Variants in USH2A observed in about 807,000 individuals in gnomAD.
USH2A encodes usherin.
USH2A carries 443 observed loss-of-function variants against 538.9 expected under a neutral mutation model. That is an observed-to-expected ratio of 0.82 (90% CI 0.76 to 0.89). USH2A has a LOEUF of 0.89. USH2A is among the 40% of genes least tolerant of loss of function. The pLI, the probability that USH2A is intolerant of heterozygous loss-of-function variation, is 0.00. For synonymous variants in USH2A, 2,413 were observed against 2,273.5 expected (o/e 1.06, Z -1.75); for missense variants, 6,633 against 6,324.8 (o/e 1.05, Z -1.65).
intron 11 of USH2A, among the ~76,000 whole-genome samples, chr1:216,272,271 G>A (rs529215875): frequency 1.3e-5 from 2 of 152,222 alleles, no homozygotes; most frequent in East Asian, 3.9e-4. Flanking sequence ...TAGCAGAGCT[G>A]TTCATAAAAC....
At chr1:216,195,945 G>A (rs1302711080) in intron 19 of USH2A, 1 of 169,796 alleles carries the variant, frequency 5.9e-6, no homozygotes, top group Non-Finnish European at 1.4e-5. Context: ...AGATGAATTA[G>A]TTCACGTACA....
intron 35 of USH2A, among the ~76,000 whole-genome samples, chr1:215,974,226 C>A (rs927504584): frequency 2.6e-5 from 4 of 152,062 alleles, no homozygotes; most frequent in African/African-American, 9.7e-5. Context: ...CTTCATTGAC[C>A]TCAGATTCCT....
chr1:216,286,607 C>G (rs1301460332), intron 11 of USH2A, among the ~76,000 whole-genome samples: 1 of 152,006 alleles, frequency 6.6e-6, no homozygotes, highest in African/African-American at 2.4e-5. Flanking sequence ...ATCTGCAATC[C>G]TAGCTGTTCA....
intron 55 of USH2A, among the ~76,000 whole-genome samples, chr1:215,774,592 G>A (rs185471063): frequency 3.9e-5 from 6 of 152,120 alleles, no homozygotes; most frequent in Admixed American, 3.9e-4. Flanking sequence ...ATGCTAGACT[G>A]AGGATTCTTC....
At chr1:216,405,188 T>A (rs1402348500) in intron 3 of USH2A, among the ~76,000 whole-genome samples, 2 of 151,704 alleles carry the variant, frequency 1.3e-5, no homozygotes, top group African/African-American at 2.4e-5. Flanking sequence ...CAATATAAAA[T>A]AAAAAAAATC....
chr1:216,179,383 A>T (rs1400661048), intron 20 of USH2A, among the ~76,000 whole-genome samples: 1 of 152,136 alleles, frequency 6.6e-6, no homozygotes, highest in South Asian at 2.1e-4. Context: ...TTACCATTTA[A>T]ACTTTAAGTA....
At chr1:216,327,837 A>G (rs897410560) in intron 4 of USH2A, among the ~76,000 whole-genome samples, 183 bp from the exon 5 acceptor site, 1 of 152,170 alleles carries the variant, frequency 6.6e-6, no homozygotes, top group African/African-American at 2.4e-5. Context: ...AAAAATAATC[A>G]TAGTTATCTC....
intron 61 of USH2A, among the ~76,000 whole-genome samples, chr1:215,692,854 A>G (rs1658662609): frequency 1.3e-5 from 2 of 151,946 alleles, no homozygotes. Context: ...CCAGTTGTTT[A>G]GTTCTCCTCC....
At chr1:215,726,630 G>GT (rs1659826184) in intron 61 of USH2A, among the ~76,000 whole-genome samples, 2 of 151,970 alleles carry the variant, frequency 1.3e-5, no homozygotes, top group South Asian at 2.1e-4. Flanking sequence ...TAGTTTTTTG[G>GT]TTTTTTTATA....
rs143954831 is a variant in USH2A at position 216,141,737 on chromosome 1, C to T, written c.4627+33515G>A. Among the ~76,000 whole-genome samples the T allele has an allele frequency of 2.0e-5, 3 of 152,184 alleles. No homozygotes were observed. The East Asian group carries it at 5.8e-4, about 29-fold the overall frequency. ...GTTTCTATAAAATACTTTAAACATA[C>T]ATCATTACATAAAGGAGTATAACAA... On this transcript the variant is annotated intron_variant, in intron 21 of 71. Coordinates refer to ENST00000307340, the MANE Select transcript of USH2A (RefSeq NM_206933.4).
chr1:215,996,848 G>A (rs1339787559), intron 34 of USH2A, among the ~76,000 whole-genome samples: 1 of 151,928 alleles, frequency 6.6e-6, no homozygotes, highest in African/African-American at 2.4e-5. Context: ...ACTAAATGAC[G>A]TTACATGAAG....
rs1295745243 is a variant in USH2A, at chr1:215,758,617, T to C, written c.11367A>G (p.Ile3789Met). 3 of 1,613,306 alleles carry C rather than the reference T, an allele frequency of 1.9e-6. No individual in the cohort carries two copies. The highest frequency in any genetic ancestry group is 1.7e-6 in the Non-Finnish European group (2 of 1,179,774). Residue 3789 changes from isoleucine (I) to methionine (M), a missense_variant, in exon 58 of 72, where the codon ATA becomes ATG. By Grantham distance (10) the Ile-to-Met change is conservative. Coordinates refer to ENST00000307340, the MANE Select transcript of USH2A (RefSeq NM_206933.4). Reference sequence around the variant, plus strand: ...TACCTGGTGGTATCCAAGCTACAAATATAGAATAAGGCCCAATTACTGTGA... The same window carrying C: ...TACCTGGTGGTATCCAAGCTACAAACATAGAATAAGGCCCAATTACTGTGA... ...YNITVIGPYSIFVAWIPPGIL... is the reference protein window; with the variant it reads ...YNITVIGPYSMFVAWIPPGIL...
intron 32 of USH2A, among the ~76,000 whole-genome samples, chr1:216,029,287 C>T (rs1669036963): frequency 2.0e-5 from 3 of 151,954 alleles, no homozygotes; most frequent in Admixed American, 6.6e-5. Context: ...AACAAATAAA[C>T]ATTAGCAGAA....
At chr1:215,831,384 C>T (rs1211504666) in intron 47 of USH2A, among the ~76,000 whole-genome samples, 1 of 152,080 alleles carries the variant, frequency 6.6e-6, no homozygotes, top group Non-Finnish European at 1.5e-5. Flanking sequence ...ATTTACAAAA[C>T]ACTCTATCTG....
intron 47 of USH2A, among the ~76,000 whole-genome samples, chr1:215,835,164 C>CAAAAAAAAAAAAAAAAAAAAA (rs34758891): frequency 1.8e-5 from 1 of 56,120 alleles, no homozygotes; most frequent in African/African-American, 7.4e-5. Context: ...AGTGATGCAC[C>CAAAAAAAAAAAAAAAAAAAAA]AAAAAAAAAA....
intron 21 of USH2A, among the ~76,000 whole-genome samples, chr1:216,138,348 A>G (rs1053578646): frequency 8.5e-5 from 13 of 152,326 alleles, no homozygotes; most frequent in African/African-American, 3.1e-4. Flanking sequence ...TCAGTATATT[A>G]AAAAAGCTTG....
At chr1:216,117,175 T>A (rs2033028622) in intron 21 of USH2A, among the ~76,000 whole-genome samples, 1 of 152,072 alleles carries the variant, frequency 6.6e-6, no homozygotes, top group Non-Finnish European at 1.5e-5. Flanking sequence ...TTGTGGAGGC[T>A]CTCCACAGAC....
intron 11 of USH2A, among the ~76,000 whole-genome samples, chr1:216,261,774 C>A (rs184476673): frequency 3.9e-5 from 6 of 152,172 alleles, no homozygotes; most frequent in Non-Finnish European, 7.4e-5. Flanking sequence ...CTCATGCCCC[C>A]GGCCTGAGAA....
At chr1:215,668,038 G>C (rs1257997354) in intron 64 of USH2A, among the ~76,000 whole-genome samples, 1 of 152,162 alleles carries the variant, frequency 6.6e-6, no homozygotes, top group Non-Finnish European at 1.5e-5. Context: ...CCCACTGCTA[G>C]GAAGTTTCTC....
Sources: allele counts gnomAD v4.1 joint callset (sites outside exome capture counted in the v4.1 genomes callset), GRCh38; gene constraint gnomAD v4.1.1; transcripts MANE v1.5; gene names NCBI Gene and HGNC (gene_info 2026-07-23, HGNC 2026-07-21).